The following SLC4A10 variants were observed in gnomAD, a reference collection of about 807,000 sequenced individuals.
SLC4A10 encodes the protein sodium-driven chloride bicarbonate exchanger.
SLC4A10 carries 42 observed loss-of-function variants against 137.7 expected under a neutral mutation model. The ratio of observed to expected loss-of-function variants is 0.30; its 90% CI spans 0.24 to 0.39. The LOEUF (loss-of-function observed/expected upper bound fraction) is 0.39, where lower values mean the gene tolerates loss of function less well. Among genes scored for constraint, SLC4A10 ranks in the 10% least tolerant of loss-of-function variants. SLC4A10 has a pLI of 1.00. For synonymous variants in SLC4A10, 474 were observed against 464.1 expected (o/e 1.02, Z -0.27); for missense variants, 925 against 1,355.0 (o/e 0.68, Z 4.98).
At chr2:161,820,476 T>C (rs2057520947) in intron 3 of SLC4A10, among the ~76,000 whole-genome samples, 1 of 152,194 alleles carries the variant, frequency 6.6e-6, no homozygotes, top group South Asian at 2.1e-4. Context: ...AGGTTTTCCA[T>C]CCTCCTCAAA....
chr2:161,837,804 A>G (rs952407749), intron 3 of SLC4A10, among the ~76,000 whole-genome samples: 2 of 152,186 alleles, frequency 1.3e-5, no homozygotes, highest in East Asian at 1.9e-4. Flanking sequence ...TCTCACCCCA[A>G]TATGATGGTA....
chr2:161,671,137 GATGATT>G (rs2039663855), intron 1 of SLC4A10, among the ~76,000 whole-genome samples: 1 of 152,110 alleles, frequency 6.6e-6, no homozygotes, highest in Non-Finnish European at 1.5e-5. Context: ...GCCTTTAAGA[GATGATT>G]ATGTCATGAG....
In SLC4A10 at chr2:161,831,433, A is replaced by AT. The variant is rs750599693; in HGVS notation, c.278-8347dup. On this transcript the variant is annotated intron_variant, in intron 3 of 26. Transcript: ENST00000446997. The stretch of plus-strand genomic sequence containing the variant: ...TTATTGAACTAACATTGAATTCATG[A>AT]TTTTTTTTTATGACTAAGGCTTCCT... 1.1e-3 allele frequency among the ~76,000 whole-genome samples: 172 copies of AT among 151,462 alleles called. 1 individual carries two copies. Among genetic ancestry groups the AT allele is most frequent in the East Asian group, 9.3e-3 (48 of 5,166 alleles).
intron 1 of SLC4A10, among the ~76,000 whole-genome samples, chr2:161,737,423 CTT>C (rs201323938): frequency 7.0e-6 from 1 of 143,830 alleles, no homozygotes; most frequent in African/African-American, 2.6e-5. Flanking sequence ...TACAGAATAG[CTT>C]TTTTTTTTTG....
chr2:161,983,069 C>T (rs909165356), intron 26 of SLC4A10, 110 bp from the exon 27 acceptor site: 76 of 887,218 alleles, frequency 8.6e-5, no homozygotes, highest in African/African-American at 4.2e-4. Flanking sequence ...GCAATGCCTA[C>T]GGGCTCTTGT....
intron 4 of SLC4A10, among the ~76,000 whole-genome samples, 182 bp downstream of exon 4, chr2:161,840,109 T>C (rs2059087634): frequency 6.6e-6 from 1 of 152,186 alleles, no homozygotes; most frequent in African/African-American, 2.4e-5. Flanking sequence ...AAGGCAGTAA[T>C]TACAGTAAAC....
rs565043391 is a variant in SLC4A10, at chr2:161,845,422, A to G, written c.416+5495A>G. Among the ~76,000 whole-genome samples, 24 of 152,088 alleles carry G rather than the reference A, an allele frequency of 1.6e-4. No homozygotes were observed. The South Asian group carries it at 5.0e-3, about 32-fold the overall frequency. On this transcript the variant is annotated intron_variant, in intron 4 of 26. Transcript: ENST00000446997. ...GAAAGTACCTTCTGCCTCCTCCTAT[A>G]ATACTCATAAAACCTATGGGTACAT...
chr2:161,870,516 A>G (rs990730688), intron 6 of SLC4A10, among the ~76,000 whole-genome samples: 1 of 151,832 alleles, frequency 6.6e-6, no homozygotes, highest in African/African-American at 2.4e-5. Context: ...ACTCAATTTT[A>G]CAGAACATTC....
chr2:161,848,172 A>G (rs1415222476), intron 4 of SLC4A10, among the ~76,000 whole-genome samples: 1 of 152,110 alleles, frequency 6.6e-6, no homozygotes, highest in South Asian at 2.1e-4. Context: ...TTGTATTAGT[A>G]TGTCTTCTTT....
chr2:161,789,190 A>G (rs905908965), intron 2 of SLC4A10, among the ~76,000 whole-genome samples: 1 of 152,202 alleles, frequency 6.6e-6, no homozygotes, highest in Non-Finnish European at 1.5e-5. Context: ...CTCCCACCCC[A>G]GAGAGTTCCC....
intron 16 of SLC4A10, 142 bp downstream of exon 16, chr2:161,943,039 G>C (rs1693022966): frequency 6.2e-6 from 4 of 641,462 alleles, no homozygotes. Context: ...CATCATTTCA[G>C]ATGCTCATCA....
chr2:161,928,892 A>G (rs2105597968), intron 15 of SLC4A10, among the ~76,000 whole-genome samples: 1 of 152,336 alleles, frequency 6.6e-6, no homozygotes, highest in Admixed American at 6.5e-5. Context: ...ATGTATATAC[A>G]CATATACATT....
At chr2:161,715,049 T>A (rs2044695902) in intron 1 of SLC4A10, among the ~76,000 whole-genome samples, 1 of 151,974 alleles carries the variant, frequency 6.6e-6, no homozygotes, top group Non-Finnish European at 1.5e-5. Flanking sequence ...TATGTATGTA[T>A]GTCTATACAT....
intron 4 of SLC4A10, among the ~76,000 whole-genome samples, chr2:161,846,244 GA>G (rs2059485359): frequency 6.6e-6 from 1 of 152,034 alleles, no homozygotes; most frequent in South Asian, 2.1e-4. Context: ...TAGTCATCAG[GA>G]AAATGCAAAT....
At chr2:161,811,001 T>A (rs955382593) in intron 3 of SLC4A10, among the ~76,000 whole-genome samples, 1 of 151,986 alleles carries the variant, frequency 6.6e-6, no homozygotes, top group Non-Finnish European at 1.5e-5. Flanking sequence ...GTTCAGGGCT[T>A]TTTTTGGTTG....
At chr2:161,841,169 C>T (rs1388091978) in intron 4 of SLC4A10, among the ~76,000 whole-genome samples, 1 of 152,076 alleles carries the variant, frequency 6.6e-6, no homozygotes, top group Non-Finnish European at 1.5e-5. Context: ...CCTCTGCCTC[C>T]CTGGTTCAAG....
intron 15 of SLC4A10, among the ~76,000 whole-genome samples, chr2:161,937,115 G>T (rs1691718594): frequency 6.6e-6 from 1 of 152,030 alleles, no homozygotes; most frequent in African/African-American, 2.4e-5. Context: ...TGAGGAGTAT[G>T]TTGTTTAATT....
intron 6 of SLC4A10, among the ~76,000 whole-genome samples, chr2:161,867,318 T>A (rs1299459289): frequency 6.6e-6 from 1 of 152,020 alleles, no homozygotes; most frequent in Non-Finnish European, 1.5e-5. Flanking sequence ...GCTTTTTTAA[T>A]ACAATGGTCT....
chr2:161,811,886 T>C (rs2056586511), intron 3 of SLC4A10, among the ~76,000 whole-genome samples: 1 of 152,184 alleles, frequency 6.6e-6, no homozygotes, highest in Admixed American at 6.6e-5. Flanking sequence ...TTGAAATGAA[T>C]TTTTCTTATC....
Sources: gnomAD v4.1 joint callset for allele counts (sites outside exome capture counted in the v4.1 genomes callset) on GRCh38, gnomAD v4.1.1 for gene constraint, MANE v1.5 for transcripts, NCBI Gene and HGNC (gene_info 2026-07-23, HGNC 2026-07-21) for gene names.